The following WWOX variants were observed in gnomAD, a reference collection of about 807,000 sequenced individuals.
WWOX encodes WW domain containing oxidoreductase.
A neutral mutation model predicts 46.2 loss-of-function variants in WWOX; 69 were observed. The observed-to-expected ratio is 1.49, with a 90% CI of 1.23 to 1.82. The LOEUF is 1.82. Ranked by LOEUF, WWOX falls within the 40% of genes most tolerant of loss-of-function variation. WWOX has a pLI of 0.00. For missense variants in WWOX, 919 were observed against 542.6 expected, an observed-to-expected ratio of 1.69 and a Z score of -6.89; for synonymous variants, 359 against 202.6, an observed-to-expected ratio of 1.77 and a Z score of -6.56.
At chr16:78,529,835 A>G (rs774263810) in intron 8 of WWOX, among the ~76,000 whole-genome samples, 1 of 152,224 alleles carries the variant, frequency 6.6e-6, no homozygotes, top group Non-Finnish European at 1.5e-5. Context: ...ATACTTACAT[A>G]TAGTTCTCTC....
At chr16:79,155,779 A>G (rs1215010547) in intron 8 of WWOX, among the ~76,000 whole-genome samples, 1 of 152,198 alleles carries the variant, frequency 6.6e-6, no homozygotes. Context: ...GGATTATGCA[A>G]AAAGCCAGAG....
At chr16:78,434,102 T>G (rs1244065971) in intron 8 of WWOX, among the ~76,000 whole-genome samples, 1 of 152,224 alleles carries the variant, frequency 6.6e-6, no homozygotes, top group Non-Finnish European at 1.5e-5. Flanking sequence ...GGATGACTTT[T>G]AAAACCACAT....
chr16:79,159,575 C>T (rs1461001132), intron 8 of WWOX, among the ~76,000 whole-genome samples: 1 of 152,144 alleles, frequency 6.6e-6, no homozygotes, highest in East Asian at 1.9e-4. Context: ...CTCTTTCTTA[C>T]CTGGGTTACA....
chr16:78,572,769 C>G (rs117873464), intron 8 of WWOX, among the ~76,000 whole-genome samples: 2,726 of 152,034 alleles, frequency 0.018, 46 homozygotes, highest in Admixed American at 0.042. Flanking sequence ...CTAGTGTTTT[C>G]CCAGGTGTGA....
chr16:78,285,447 T>TAA (rs112659729), intron 5 of WWOX, among the ~76,000 whole-genome samples: 17 of 149,436 alleles, frequency 1.1e-4, no homozygotes, highest in East Asian at 9.9e-4. Flanking sequence ...AAATAAAAAC[T>TAA]AAAAAAAAAA....
chr16:79,132,965 G>T (rs1049096920), intron 8 of WWOX, among the ~76,000 whole-genome samples: 2 of 152,104 alleles, frequency 1.3e-5, no homozygotes, highest in Non-Finnish European at 2.9e-5. Context: ...ATCTTGCCTG[G>T]GTCTGTTCTG....
At chr16:78,811,900 C>G (rs11643767) in intron 8 of WWOX, among the ~76,000 whole-genome samples, 91,659 of 152,004 alleles carry the variant, frequency 0.6, 27,892 homozygotes, top group Middle Eastern at 0.68. Flanking sequence ...GAGTCATGAG[C>G]ATAATAAGAT....
intron 8 of WWOX, among the ~76,000 whole-genome samples, chr16:79,002,213 C>CCTT (rs1282109270): frequency 2.4e-5 from 1 of 41,302 alleles, no homozygotes; most frequent in African/African-American, 9.9e-5. Flanking sequence ...GGTGTCCTGC[C>CCTT]TTTTTTTTTT....
intron 4 of WWOX, among the ~76,000 whole-genome samples, chr16:78,132,826 A>G (rs552912778): frequency 3.0e-4 from 45 of 152,304 alleles, no homozygotes; most frequent in South Asian, 2.5e-3. Context: ...TAATCTGACA[A>G]TCTATACCAG....
At chr16:78,613,792 C>A (rs528662350) in intron 8 of WWOX, among the ~76,000 whole-genome samples, 1 of 152,146 alleles carries the variant, frequency 6.6e-6, no homozygotes, top group African/African-American at 2.4e-5. Flanking sequence ...CTTTGGGGGC[C>A]GGATGTGTTT....
At chr16:78,593,795 A>G (rs2045409048) in intron 8 of WWOX, among the ~76,000 whole-genome samples, 1 of 152,074 alleles carries the variant, frequency 6.6e-6, no homozygotes, top group Admixed American at 6.6e-5. Flanking sequence ...GTAGAGATGA[A>G]ACAAAGATAG....
chr16:78,828,316 C>G (rs889302654), intron 8 of WWOX, among the ~76,000 whole-genome samples: 1 of 151,934 alleles, frequency 6.6e-6, no homozygotes, highest in Non-Finnish European at 1.5e-5. Context: ...AGGGGCCAGG[C>G]AAAAACTGGG....
chr16:78,853,166 C>T (rs923581685), intron 8 of WWOX, among the ~76,000 whole-genome samples: 5 of 152,128 alleles, frequency 3.3e-5, no homozygotes, highest in Admixed American at 2.0e-4. Context: ...TAATATGTTG[C>T]CATGTATAGC....
At chr16:78,633,453 C>A (rs2046489016) in intron 8 of WWOX, among the ~76,000 whole-genome samples, 1 of 152,186 alleles carries the variant, frequency 6.6e-6, no homozygotes, top group Non-Finnish European at 1.5e-5. Context: ...GCATTTTGTA[C>A]CGTATGACTT....
chr16:78,278,280 C>T lies in WWOX; in HGVS notation c.517-108580C>T, dbSNP rs1006917805. On this transcript the variant is annotated intron_variant, in intron 5 of 8. Coordinates refer to ENST00000566780, the MANE Select transcript of WWOX (RefSeq NM_016373.4). The stretch of plus-strand genomic sequence containing the variant: ...GTCAAAATTACAGCTTTTCTCTTGC[C>T]GCAAGGGTACTTCTCTGCCAAGTAT... 1.4e-4 allele frequency among the ~76,000 whole-genome samples: 21 copies of T among 152,094 alleles called. No individual in the cohort carries two copies. In the East Asian group the frequency reaches 3.3e-3, roughly 24 times the overall value.
intron 6 of WWOX, among the ~76,000 whole-genome samples, chr16:78,391,646 G>C (rs1175380053): frequency 6.6e-6 from 1 of 152,158 alleles, no homozygotes; most frequent in African/African-American, 2.4e-5. Context: ...CCAGGAGTTT[G>C]AGAACAGCCT....
intron 8 of WWOX, among the ~76,000 whole-genome samples, chr16:79,189,036 G>T (rs1456710784): frequency 6.6e-6 from 1 of 152,100 alleles, no homozygotes; most frequent in Non-Finnish European, 1.5e-5. Flanking sequence ...ACAGAGATTT[G>T]CAGGTGAAAA....
intron 5 of WWOX, chr16:78,167,025 G>A (rs1269663480): frequency 6.6e-6 from 1 of 152,184 alleles, no homozygotes; most frequent in East Asian, 1.9e-4. Flanking sequence ...TAAAATTCCA[G>A]GGACGCTAGT....
chr16:78,266,206 C>A (rs910048736), intron 5 of WWOX: 4 of 152,112 alleles, frequency 2.6e-5, no homozygotes, highest in Non-Finnish European at 5.9e-5. Context: ...GGGGAAAAAA[C>A]CAATAGAATA....
Sources: gnomAD v4.1 joint callset for allele counts (sites outside exome capture counted in the v4.1 genomes callset) on GRCh38, gnomAD v4.1.1 for gene constraint, MANE v1.5 for transcripts, NCBI Gene and HGNC (gene_info 2026-07-23, HGNC 2026-07-21) for gene names.